ATP13A4: variants seen among roughly 807,000 people sequenced by gnomAD.
ATP13A4 encodes probable cation-transporting ATPase 13A4.
ATP13A4 carries 114 observed loss-of-function variants against 142.5 expected under a neutral mutation model. That is an observed-to-expected ratio of 0.80 (90% confidence interval 0.69 to 0.93). The LOEUF (loss-of-function observed/expected upper bound fraction) is 0.93. Among genes scored for constraint, ATP13A4 ranks in the 40% least tolerant of loss-of-function variants. The pLI is 0.00. For missense variants in ATP13A4, 1,392 were observed against 1,454.0 expected (o/e 0.96, Z 0.69); for synonymous variants, 488 against 514.8 (o/e 0.95, Z 0.70).
At chr3:193,493,482 A>C (rs780466454) in intron 3 of ATP13A4, among the ~76,000 whole-genome samples, 64 of 152,250 alleles carry the variant, frequency 4.2e-4, no homozygotes, top group Non-Finnish European at 7.4e-4. Flanking sequence ...TCCAATATGT[A>C]CCATGCCAAA....
At chr3:193,554,141 T>C (rs1034893697) in intron 1 of ATP13A4, 4 of 156,478 alleles carry the variant, frequency 2.6e-5, no homozygotes, top group Admixed American at 1.8e-4. Flanking sequence ...ATCAAAGAGA[T>C]ACTGAACTAC....
intron 1 of ATP13A4, among the ~76,000 whole-genome samples, chr3:193,552,214 C>T (rs947156871): frequency 1.6e-4 from 25 of 152,254 alleles, no homozygotes; most frequent in African/African-American, 5.1e-4. Flanking sequence ...CTTGGTGATC[C>T]GCCCGCCTCG....
chr3:193,404,703 C>T (rs1449896194), intron 29 of ATP13A4, among the ~76,000 whole-genome samples: 3 of 152,164 alleles, frequency 2.0e-5, no homozygotes, highest in African/African-American at 7.2e-5. Flanking sequence ...CTTGGGGCCT[C>T]TCCAGCCATG....
At chr3:193,520,244 C>T (rs1372251712) in intron 1 of ATP13A4, among the ~76,000 whole-genome samples, 2 of 152,166 alleles carry the variant, frequency 1.3e-5, no homozygotes, top group African/African-American at 4.8e-5. Flanking sequence ...TAAACCCGTA[C>T]TCTCCTTGTT....
chr3:193,522,208 C>T (rs1356134938), intron 1 of ATP13A4, among the ~76,000 whole-genome samples: 1 of 152,178 alleles, frequency 6.6e-6, no homozygotes, highest in African/African-American at 2.4e-5. Flanking sequence ...TATGGAAACT[C>T]CTCCTTGTCA....
chr3:193,454,281 T>C, intron 16 of ATP13A4, 69 bp from the exon 17 acceptor site: 1 of 1,191,632 alleles, frequency 8.4e-7, no homozygotes. Flanking sequence ...AGAAATTCTT[T>C]ACAAACATCC....
intron 2 of ATP13A4, among the ~76,000 whole-genome samples, chr3:193,573,125 C>T (rs1303932226): frequency 6.7e-6 from 1 of 149,998 alleles, no homozygotes; most frequent in Non-Finnish European, 1.5e-5. Flanking sequence ...CCGAGATCAC[C>T]GACATGGTTT....
At chr3:193,467,597 G>A (rs1718379577) in intron 9 of ATP13A4, 111 bp from the exon 10 acceptor site, 2 of 1,080,522 alleles carry the variant, frequency 1.9e-6, no homozygotes, top group South Asian at 2.5e-5. Flanking sequence ...CCTACCATGT[G>A]GCAGAGACAA....
intron 8 of ATP13A4, among the ~76,000 whole-genome samples, chr3:193,472,886 T>C (rs1201097176): frequency 6.6e-6 from 1 of 152,130 alleles, no homozygotes; most frequent in Non-Finnish European, 1.5e-5. Flanking sequence ...GAGATACAAC[T>C]ACAATAAACC....
At chr3:193,588,999 G>T (rs981757708) in intron 1 of ATP13A4, among the ~76,000 whole-genome samples, 3 of 152,016 alleles carry the variant, frequency 2.0e-5, no homozygotes, top group African/African-American at 7.2e-5. Context: ...ACTTAGCCAG[G>T]CATGGTGGCA....
intron 2 of ATP13A4, among the ~76,000 whole-genome samples, chr3:193,579,991 T>C (rs1041408652): frequency 5.3e-5 from 8 of 152,174 alleles, no homozygotes; most frequent in Non-Finnish European, 1.2e-4. Context: ...CCTTCCAGTA[T>C]TTCTTCCCCA....
chr3:193,569,848 T>A (rs1368430961), intron 2 of ATP13A4, among the ~76,000 whole-genome samples: 1 of 152,182 alleles, frequency 6.6e-6, no homozygotes, highest in East Asian at 1.9e-4. Flanking sequence ...ACTGGTTACT[T>A]AATTGTGATA....
chr3:193,413,565 T>C (rs767382096), intron 26 of ATP13A4, among the ~76,000 whole-genome samples: 1 of 152,132 alleles, frequency 6.6e-6, no homozygotes, highest in African/African-American at 2.4e-5. Flanking sequence ...CAAGGAATAT[T>C]AATAGTTAAT....
intron 1 of ATP13A4, among the ~76,000 whole-genome samples, chr3:193,582,379 C>T (rs1724567010): frequency 6.7e-6 from 1 of 149,246 alleles, no homozygotes; most frequent in Non-Finnish European, 1.5e-5. Context: ...CATCTCCTGA[C>T]CTTGTGATCC....
chr3:193,585,347 G>A (rs1472847456), intron 1 of ATP13A4, among the ~76,000 whole-genome samples: 4 of 152,084 alleles, frequency 2.6e-5, no homozygotes, highest in African/African-American at 9.7e-5. Flanking sequence ...TTGAACCCAG[G>A]GGGCAGAGGC....
intron 13 of ATP13A4, among the ~76,000 whole-genome samples, chr3:193,461,448 A>G (rs1019153867): frequency 1.3e-5 from 2 of 152,210 alleles, no homozygotes; most frequent in African/African-American, 4.8e-5. Context: ...CATGAGACAA[A>G]GTATATATCC....
intron 1 of ATP13A4, among the ~76,000 whole-genome samples, chr3:193,527,994 G>A (rs1417842827): frequency 1.3e-5 from 2 of 152,188 alleles, no homozygotes; most frequent in Non-Finnish European, 2.9e-5. Context: ...ACAGATGCAC[G>A]TCTAAGGTCA....
rs1714803389 is a variant in ATP13A4 at position 193,412,179 on chromosome 3, G to C, written c.3207C>G (p.Asn1069Lys). The C allele has an allele frequency of 6.3e-7, 1 of 1,597,998 alleles. No homozygotes were observed. Among genetic ancestry groups the C allele is most frequent in the East Asian group, 2.2e-5 (1 of 44,814 alleles). Residue 1069 changes from asparagine to lysine, a missense_variant and splice_region_variant, in exon 27 of 30, where the codon AAC becomes AAG. Coordinates refer to ENST00000342695, the MANE Select transcript of ATP13A4 (RefSeq NM_032279.4). ...GKPFRQPTYT[N>K]YIFVLVLIIQ... ...CTGATGCAGTACAGTTCTACTCACAGTTTGTATAAGTTGGCTGTCTAAATG... is the reference window on the plus strand; with the variant it reads ...CTGATGCAGTACAGTTCTACTCACACTTTGTATAAGTTGGCTGTCTAAATG...
chr3:193,538,969 G>T (rs1218578118), intron 1 of ATP13A4, among the ~76,000 whole-genome samples: 1 of 149,362 alleles, frequency 6.7e-6, no homozygotes, highest in Non-Finnish European at 1.5e-5. Flanking sequence ...CGCCTCCCAG[G>T]TTCAAGCGAT....
Sources: allele counts gnomAD v4.1 joint callset (sites outside exome capture counted in the v4.1 genomes callset), GRCh38; gene constraint gnomAD v4.1.1; transcripts MANE v1.5; gene names NCBI Gene and HGNC (gene_info 2026-07-23, HGNC 2026-07-21).